HPSE2: variants seen among roughly 807,000 people sequenced by gnomAD.
HPSE2 encodes inactive heparanase-2.
Under a neutral mutation model 60.5 loss-of-function variants are expected in HPSE2, and 38 were observed. The ratio of observed to expected loss-of-function variants is 0.63; its 90% CI spans 0.48 to 0.82. The LOEUF (loss-of-function observed/expected upper bound fraction) is 0.82, where lower values mean the gene tolerates loss of function less well. Ranked by LOEUF, HPSE2 falls within the 40% of genes least tolerant of loss-of-function variation. HPSE2 has a pLI of 0.00. For missense variants in HPSE2, 713 were observed against 740.4 expected (o/e 0.96, Z 0.43); for synonymous variants, 295 against 293.2 (o/e 1.01, Z -0.06).
At chr10:98,592,070 C>T (rs544061395) in intron 9 of HPSE2, among the ~76,000 whole-genome samples, 1 of 152,208 alleles carries the variant, frequency 6.6e-6, no homozygotes, top group Admixed American at 6.5e-5. Flanking sequence ...GCTTCAGTTT[C>T]TCTTGGTTTG....
At chr10:98,845,749 A>G (rs1313964958) in intron 3 of HPSE2, among the ~76,000 whole-genome samples, 1 of 152,010 alleles carries the variant, frequency 6.6e-6, no homozygotes, top group Admixed American at 6.6e-5. Context: ...CTTCCCGTCT[A>G]CTCTCCAGTG....
chr10:98,574,471 G>T (rs904161992), intron 9 of HPSE2, among the ~76,000 whole-genome samples: 3 of 152,094 alleles, frequency 2.0e-5, no homozygotes, highest in Non-Finnish European at 4.4e-5. Context: ...ATTCAAAAGA[G>T]AACAGTAGAA....
chr10:98,535,624 G>T (rs1251132136), intron 9 of HPSE2, among the ~76,000 whole-genome samples: 1 of 152,126 alleles, frequency 6.6e-6, no homozygotes, highest in Non-Finnish European at 1.5e-5. Flanking sequence ...GTCTCTTTCT[G>T]TTGGGACATG....
chr10:99,169,453 C>A, intron 2 of HPSE2, among the ~76,000 whole-genome samples: 1 of 118,264 alleles, frequency 8.5e-6, no homozygotes, highest in East Asian at 2.6e-4. Context: ...TGCAGTGAGC[C>A]AAGATGGCAC....
rs141122296 is a variant in HPSE2, at chr10:98,651,243, G to A, written c.1005-9303C>T. ...AGCCTTTAAAGGCATTATTTACCAT[G>A]ATATATGTGTGTGCATACAAGCATG... On this transcript the variant is annotated intron_variant, in intron 6 of 11. Transcript: ENST00000370552. Among the ~76,000 whole-genome samples, 850 of 152,264 alleles carry A rather than the reference G, an allele frequency of 5.6e-3. 4 individuals carry two copies. The highest frequency in any genetic ancestry group is 0.019 in the African/African-American group (803 of 41,550).
intron 3 of HPSE2, among the ~76,000 whole-genome samples, chr10:99,133,076 T>A (rs1412373503): frequency 6.6e-6 from 1 of 152,184 alleles, no homozygotes; most frequent in Non-Finnish European, 1.5e-5. Flanking sequence ...TCTACCATTG[T>A]TGAAGCTTGA....
chr10:98,715,001 A>G (rs969279341), intron 5 of HPSE2, among the ~76,000 whole-genome samples: 2 of 151,862 alleles, frequency 1.3e-5, no homozygotes, highest in African/African-American at 4.8e-5. Flanking sequence ...GTCCACTCAT[A>G]TCCTTTCTGT....
chr10:99,273,187 T>C, the HPSE2 span, among the ~76,000 whole-genome samples: 7 of 152,204 alleles, frequency 4.6e-5, no homozygotes. Flanking sequence ...AAACTTTGTA[T>C]GTTCTCAGTC....
intron 3 of HPSE2, among the ~76,000 whole-genome samples, chr10:98,884,928 G>A (rs1350894202): frequency 2.0e-5 from 3 of 152,136 alleles, no homozygotes; most frequent in Non-Finnish European, 2.9e-5. Context: ...GGACTTTCAA[G>A]TATTATTATT....
intron 5 of HPSE2, among the ~76,000 whole-genome samples, chr10:98,719,868 G>A (rs1948880819): frequency 6.6e-6 from 1 of 151,878 alleles, no homozygotes; most frequent in Non-Finnish European, 1.5e-5. Flanking sequence ...AGGCATGGTG[G>A]CACACACCTG....
intron 9 of HPSE2, among the ~76,000 whole-genome samples, chr10:98,542,598 T>C (rs939767354): frequency 3.4e-4 from 52 of 151,442 alleles, no homozygotes; most frequent in Middle Eastern, 3.4e-3. Context: ...TAGAAGAATA[T>C]GTAACTAGAA....
chr10:98,779,028 T>C (rs1232683622), intron 3 of HPSE2, among the ~76,000 whole-genome samples: 1 of 152,166 alleles, frequency 6.6e-6, no homozygotes, highest in Non-Finnish European at 1.5e-5. Flanking sequence ...TGCAAATGAA[T>C]ATCTAAATAA....
intron 3 of HPSE2, among the ~76,000 whole-genome samples, chr10:99,023,407 G>A (rs1376488269): frequency 1.3e-5 from 2 of 152,150 alleles, no homozygotes; most frequent in African/African-American, 4.8e-5. Flanking sequence ...GGACCTAGCT[G>A]GGACTGGGGG....
chr10:99,005,138 C>T (rs990582094), intron 3 of HPSE2, among the ~76,000 whole-genome samples: 5 of 152,064 alleles, frequency 3.3e-5, no homozygotes, highest in Non-Finnish European at 7.4e-5. Context: ...CTTGTGTGAA[C>T]TGAATTTGAT....
chr10:98,778,969 T>C (rs540848126), intron 3 of HPSE2, among the ~76,000 whole-genome samples: 3 of 152,316 alleles, frequency 2.0e-5, no homozygotes, highest in Admixed American at 6.5e-5. Flanking sequence ...ACTTCACTGA[T>C]GATATAAAAG....
chr10:99,299,986 C>T, the HPSE2 span, among the ~76,000 whole-genome samples: 1 of 140,850 alleles, frequency 7.1e-6, no homozygotes, highest in Non-Finnish European at 1.5e-5. Context: ...TTAAACATTG[C>T]TTTTGGGGTT....
In HPSE2 at chr10:98,791,976, C is replaced by G. The variant is rs532402971; in HGVS notation, c.611-47920G>C. Among the ~76,000 whole-genome samples, 3 of 152,264 alleles carry G rather than the reference C, an allele frequency of 2.0e-5. No individual in the cohort carries two copies. The South Asian group carries it at 6.2e-4, about 32-fold the overall frequency. The stretch of plus-strand genomic sequence containing the variant: ...GAAATTACCCCGTTCTCAATAGTTT[C>G]CATGCTGTCTCAGATATGTAACAGT... On this transcript the variant is annotated intron_variant, in intron 3 of 11. Transcript: ENST00000370552.
intron 3 of HPSE2, among the ~76,000 whole-genome samples, chr10:98,921,266 T>G (rs963571486): frequency 2.6e-5 from 4 of 152,202 alleles, no homozygotes; most frequent in African/African-American, 9.6e-5. Flanking sequence ...ATTATGTATG[T>G]CATTGTTGTT....
At chr10:98,881,454 T>G (rs1479811657) in intron 3 of HPSE2, among the ~76,000 whole-genome samples, 1 of 152,046 alleles carries the variant, frequency 6.6e-6, no homozygotes, top group Non-Finnish European at 1.5e-5. Context: ...TATAGCAAGA[T>G]GGGCCTAAAT....
Sources: gnomAD v4.1 joint callset for allele counts (sites outside exome capture counted in the v4.1 genomes callset) on GRCh38, gnomAD v4.1.1 for gene constraint, MANE v1.5 for transcripts, NCBI Gene and HGNC (gene_info 2026-07-23, HGNC 2026-07-21) for gene names.